The following CDH17 variants were observed in gnomAD, a reference collection of about 807,000 sequenced individuals.
CDH17 encodes cadherin 17.
In CDH17, 67 loss-of-function variants were observed where a neutral mutation model predicts 86.3. The observed-to-expected ratio is 0.78, with a 90% CI of 0.64 to 0.95. The LOEUF is 0.95. Among genes scored for constraint, CDH17 ranks in the 40% least tolerant of loss-of-function variants. The probability of loss-of-function intolerance (pLI) is 0.00; values close to 1 mark genes in which losing one functional copy is unlikely to be tolerated. For synonymous variants in CDH17, 367 were observed against 366.4 expected, an observed-to-expected ratio of 1.00 and a Z score of -0.02; for missense variants, 993 against 1,017.6, an observed-to-expected ratio of 0.98 and a Z score of 0.33.
intron 9 of CDH17, among the ~76,000 whole-genome samples, chr8:94,169,397 G>A (rs974506210): frequency 3.3e-5 from 5 of 152,150 alleles, no homozygotes; most frequent in Admixed American, 6.5e-5. Flanking sequence ...CAGCCCACAC[G>A]ACACCTGATA....
chr8:94,191,750 G>A (rs189870827), intron 2 of CDH17, among the ~76,000 whole-genome samples: 58 of 152,238 alleles, frequency 3.8e-4, no homozygotes, highest in South Asian at 2.7e-3. Context: ...AACCATGCCC[G>A]GCCAAGAAAA....
At chr8:94,191,904 G>A (rs1813697704) in intron 2 of CDH17, among the ~76,000 whole-genome samples, 1 of 152,132 alleles carries the variant, frequency 6.6e-6, no homozygotes, top group South Asian at 2.1e-4. Flanking sequence ...AGAAGGCAGG[G>A]CATAAGAACT....
intron 12 of CDH17, among the ~76,000 whole-genome samples, chr8:94,158,166 G>A (rs536316719): frequency 6.8e-4 from 103 of 152,156 alleles, no homozygotes; most frequent in African/African-American, 2.3e-3. Flanking sequence ...ATTGTATATG[G>A]GACAGAATTC....
Position 94,203,007 on chromosome 8 carries a change from G to T in CDH17, c.-21+5476C>A, listed in dbSNP as rs569224593. The T allele has an allele frequency of 1.9e-5, 5 of 260,880 alleles. No homozygotes were observed. In the South Asian group the frequency reaches 2.1e-4, roughly 11 times the overall value. The allele number at this position is 260,880 out of a possible 1,614,324, so 16.2% of individuals were successfully genotyped here. A position where few individuals can be genotyped will look rare whatever the true frequency, so the allele number is the denominator to read the frequency against. On this transcript the variant is annotated intron_variant, in intron 1 of 17. Transcript: ENST00000027335. ...ACTGGCAAAGCCTTGTTAGCTTCAG[G>T]TTTCTTCTCCTTAGTATCCGGCTTC...
chr8:94,146,572 CAT>C (rs1454912035), intron 14 of CDH17, among the ~76,000 whole-genome samples: 2 of 152,170 alleles, frequency 1.3e-5, no homozygotes. Context: ...AAGAATCCCA[CAT>C]ATGAGTGAAT....
At chr8:94,191,520 T>C (rs910413382) in intron 2 of CDH17, among the ~76,000 whole-genome samples, 6 of 150,878 alleles carry the variant, frequency 4.0e-5, no homozygotes, top group South Asian at 4.2e-4. Context: ...GGCACGATCT[T>C]GGCTCCCTGC....
Position 94,170,860 on chromosome 8 carries a change from C to CT in CDH17, c.908dup (p.Asp304GlyfsTer12), listed in dbSNP as rs751179275. On this transcript the variant is annotated frameshift_variant, in exon 8 of 18. Coordinates refer to ENST00000027335, the MANE Select transcript of CDH17 (RefSeq NM_004063.4). LOFTEE classifies it high-confidence loss of function. ...ACTCTTCTCTTTTACTCACTGCATCCTTTTCTTCTCGGTCCAAGGGCTGAG... is the reference window on the plus strand; with the variant it reads ...ACTCTTCTCTTTTACTCACTGCATCCTTTTTCTTCTCGGTCCAAGGGCTGAG... 1 of 1,613,342 alleles carries CT rather than the reference C, an allele frequency of 6.2e-7. No homozygotes were observed. The highest frequency in any genetic ancestry group is 1.1e-5 in the South Asian group (1 of 90,950).
At chr8:94,164,561 A>G (rs1263543687) in intron 10 of CDH17, among the ~76,000 whole-genome samples, 1 of 152,202 alleles carries the variant, frequency 6.6e-6, no homozygotes, top group East Asian at 1.9e-4. Context: ...ATATTTGTCA[A>G]ATTACTGGGT....
chr8:94,195,824 G>T (rs1024020423), intron 1 of CDH17, among the ~76,000 whole-genome samples: 1 of 150,974 alleles, frequency 6.6e-6, no homozygotes, highest in Non-Finnish European at 1.5e-5. Flanking sequence ...GCAGTGGCAC[G>T]ATCTCAGCTT....
chr8:94,216,200 A>G (rs1326042405), intron 1 of CDH17, among the ~76,000 whole-genome samples: 1 of 152,166 alleles, frequency 6.6e-6, no homozygotes, highest in Non-Finnish European at 1.5e-5. Flanking sequence ...CTCAGGAACA[A>G]TCCAGGAGTT....
Position 94,136,559 on chromosome 8 carries a change from T to C in CDH17, c.2168-5567A>G, listed in dbSNP as rs148050050. ...ATTCATCTAACCCTTTTTCAAGGTT[T>C]TTAGCTTCCTTGCGTTGGGTTCAAA... On this transcript the variant is annotated intron_variant, in intron 15 of 17. Transcript: ENST00000027335. Among the ~76,000 whole-genome samples, 1,146 of 152,288 alleles carry C rather than the reference T, an allele frequency of 7.5e-3. 7 individuals are homozygous for C. The highest frequency in any genetic ancestry group is 0.012 in the Non-Finnish European group (796 of 68,020).
At chr8:94,208,895 A>G (rs916866514), upstream of CDH17, among the ~76,000 whole-genome samples, 12 of 152,166 alleles carry the variant, frequency 7.9e-5, no homozygotes, top group African/African-American at 2.9e-4. Context: ...TGTACCCCCA[A>G]CACTTAGCAC....
intron 1 of CDH17, among the ~76,000 whole-genome samples, chr8:94,199,882 G>A (rs944808706): frequency 6.6e-6 from 1 of 152,114 alleles, no homozygotes. Context: ...ACCTACCTTC[G>A]AGAGTTAAGA....
chr8:94,156,132 C>T (rs1349941436), intron 12 of CDH17, among the ~76,000 whole-genome samples: 1 of 152,162 alleles, frequency 6.6e-6, no homozygotes, highest in African/African-American at 2.4e-5. Flanking sequence ...AAAAAACCTG[C>T]TCATACCACG....
At chr8:94,141,894 G>T (rs1381790483) in intron 15 of CDH17, among the ~76,000 whole-genome samples, 1 of 151,984 alleles carries the variant, frequency 6.6e-6, no homozygotes, top group Non-Finnish European at 1.5e-5. Context: ...AAAAGACATA[G>T]AATGAAGGAA....
rs141498437 is a variant in CDH17 at position 94,151,358 on chromosome 8, C to T, written c.1796+510G>A. ...TTAGCCACCTCAGCCAGAGCACCAG[C>T]TTCTCCAGGGGTGCCCTAGATCAGC... On this transcript the variant is annotated intron_variant, in intron 13 of 17. Coordinates refer to ENST00000027335, the MANE Select transcript of CDH17 (RefSeq NM_004063.4). Among the ~76,000 whole-genome samples the T allele has an allele frequency of 2.2e-4, 33 of 152,322 alleles. No homozygotes were observed. The East Asian group carries it at 6.4e-3, about 29-fold the overall frequency.
intron 14 of CDH17, among the ~76,000 whole-genome samples, chr8:94,148,478 G>A (rs954877554): frequency 7.8e-5 from 11 of 140,844 alleles, no homozygotes; most frequent in African/African-American, 2.6e-4. Context: ...GGAGGTGGAG[G>A]TTGCAGTGAG....
At chr8:94,189,157 A>G (rs1813637105) in intron 3 of CDH17, 30 bp downstream of exon 3, 1 of 1,479,822 alleles carries the variant, frequency 6.8e-7, no homozygotes, top group African/African-American at 1.4e-5. Flanking sequence ...ATACAAAATC[A>G]AGAGGACAGT....
rs777649146 is a variant in CDH17 at position 94,148,795 on chromosome 8, C to T, written c.1876G>A (p.Asp626Asn). The T allele has an allele frequency of 4.4e-6, 7 of 1,596,372 alleles. No individual in the cohort carries two copies. The highest frequency in any genetic ancestry group is 6.0e-6 in the Non-Finnish European group (7 of 1,172,198). The change falls in exon 14 of 18, where the codon GAC becomes AAC. Residue 626 changes from aspartate (D) to asparagine (N), a missense_variant. By Grantham distance (23) the Asp-to-Asn change is conservative. Coordinates refer to ENST00000027335, the MANE Select transcript of CDH17 (RefSeq NM_004063.4). ...CGATATGGACTTCCGGCTTCTCTGT[C>T]CAATGGAGCCACACTAAAGATCTCA... ...TGEIFSVAPLDREAGSPYRVQ... is the reference protein window; with the variant it reads ...TGEIFSVAPLNREAGSPYRVQ...
Sources: allele counts gnomAD v4.1 joint callset (sites outside exome capture counted in the v4.1 genomes callset), GRCh38; gene constraint gnomAD v4.1.1; transcripts MANE v1.5; gene names NCBI Gene and HGNC (gene_info 2026-07-23, HGNC 2026-07-21).